Variants in ARHGAP29 observed in about 807,000 individuals in gnomAD.
ARHGAP29 encodes Rho GTPase activating protein 29, also known as rho GTPase-activating protein 29.
Under a neutral mutation model 122.6 loss-of-function variants are expected in ARHGAP29, and 43 were observed. The ratio of observed to expected loss-of-function variants is 0.35; its 90% CI spans 0.27 to 0.45. ARHGAP29 has a LOEUF of 0.45. Among genes scored for constraint, ARHGAP29 ranks in the 20% least tolerant of loss-of-function variants. The pLI is 1.00. For missense variants in ARHGAP29, 1,303 were observed against 1,477.2 expected, an observed-to-expected ratio of 0.88 and a Z score of 1.93; for synonymous variants, 506 against 497.1, an observed-to-expected ratio of 1.02 and a Z score of -0.24.
At chr1:94,190,200 T>A in intron 12 of ARHGAP29, 117 bp from the exon 13 acceptor site, 1 of 1,031,080 alleles carries the variant, frequency 9.7e-7, no homozygotes, top group Non-Finnish European at 1.4e-6. Flanking sequence ...CATACAACAC[T>A]GAATATCACT....
At chr1:94,178,216 C>T (rs952024577) in intron 20 of ARHGAP29, 49 bp from the exon 21 acceptor site, 1 of 1,539,478 alleles carries the variant, frequency 6.5e-7, no homozygotes, top group Non-Finnish European at 8.8e-7. Flanking sequence ...TATTAGAGTT[C>T]CTTGACTGTA....
intron 2 of ARHGAP29, among the ~76,000 whole-genome samples, chr1:94,225,468 T>G (rs1475781969): frequency 6.6e-6 from 1 of 152,072 alleles, no homozygotes; most frequent in Non-Finnish European, 1.5e-5. Context: ...CTGTAAGCCA[T>G]TCAAACTACC....
intron 19 of ARHGAP29, among the ~76,000 whole-genome samples, chr1:94,183,870 G>C (rs1649629398): frequency 6.6e-6 from 1 of 152,196 alleles, no homozygotes; most frequent in African/African-American, 2.4e-5. Context: ...CCTTGGTGGA[G>C]TTAGGGGGAT....
intron 13 of ARHGAP29, 129 bp from the exon 14 acceptor site, chr1:94,189,481 AC>A: frequency 9.0e-7 from 1 of 1,110,808 alleles, no homozygotes; most frequent in South Asian, 1.9e-5. Flanking sequence ...AATATTAAAA[AC>A]AAACCACACT....
chr1:94,288,219 GT>G, the ARHGAP29 span, among the ~76,000 whole-genome samples: 1 of 152,146 alleles, frequency 6.6e-6, no homozygotes, highest in Admixed American at 6.5e-5. Flanking sequence ...TCTCATTGTG[GT>G]TTTGATTTGC....
chr1:94,267,088 A>G (rs1402149450), intron 1 of ARHGAP29, among the ~76,000 whole-genome samples: 1 of 152,124 alleles, frequency 6.6e-6, no homozygotes, highest in African/African-American at 2.4e-5. Context: ...ACTATATCTC[A>G]AGTTGAAATT....
rs1460521818 is a variant in ARHGAP29 at position 94,210,906 on chromosome 1, A to T, written c.341-1556T>A. ...AGAGCAAAACTCTGTTTCTTATTTA[A>T]AAAAAAAAAAAAAAGATTTCTATAC... is the stretch of plus-strand genomic sequence containing the variant. On this transcript the variant is annotated intron_variant, in intron 3 of 22. Transcript: ENST00000260526. Among the ~76,000 whole-genome samples the T allele has an allele frequency of 0.034, 60 of 1,770 alleles. No homozygotes were observed. The South Asian group carries it at 0.44, about 13-fold the overall frequency. 1.2% of individuals were successfully genotyped at this position (1,770 alleles called of 152,430 possible).
At chr1:94,195,157 C>T (rs537251678) in intron 12 of ARHGAP29, 2 of 152,006 alleles carry the variant, frequency 1.3e-5, no homozygotes, top group South Asian at 2.1e-4. Flanking sequence ...GTCATTAGAA[C>T]GAGAAGGGAA....
rs772194084 is a variant in ARHGAP29, at chr1:94,202,745, G to C, written c.955-13C>G. Reference sequence around the variant, plus strand: ...TCTCTGCTTCAAGCTACACCGAAAAGAGTATTAAACACAGAATATGAAAGA... The same window carrying C: ...TCTCTGCTTCAAGCTACACCGAAAACAGTATTAAACACAGAATATGAAAGA... On this transcript the variant is annotated splice_polypyrimidine_tract_variant and intron_variant, in intron 10 of 22. Transcript: ENST00000260526. 1 of 1,610,648 alleles carries C rather than the reference G, an allele frequency of 6.2e-7. No homozygotes were observed. The highest frequency in any genetic ancestry group is 1.1e-5 in the South Asian group (1 of 90,234).
At chr1:94,251,556 T>C (rs747926041) in intron 1 of ARHGAP29, among the ~76,000 whole-genome samples, 35 of 152,212 alleles carry the variant, frequency 2.3e-4, no homozygotes, top group African/African-American at 8.4e-4. Context: ...ATACTTCTCT[T>C]AGAAAAAGAT....
In ARHGAP29 at chr1:94,231,628, C is replaced by G. The variant is rs1213525381; in HGVS notation, c.-17G>C. On this transcript the variant is annotated 5_prime_UTR_variant, in exon 2 of 23. It removes the in-frame stop codon of an upstream open reading frame in the 5' UTR. Transcript: ENST00000260526. The stretch of plus-strand genomic sequence containing the variant: ...AGCAATCATCCTTTCATGTAACAGT[C>G]AGAAAAACTGAAATCCTTAAGGGGG... 1 of 1,607,412 alleles carries G rather than the reference C, an allele frequency of 6.2e-7. No homozygotes were observed. The highest frequency in any genetic ancestry group is 1.1e-5 in the South Asian group (1 of 89,444).
chr1:94,233,714 T>C (rs939575387), intron 1 of ARHGAP29, among the ~76,000 whole-genome samples: 2 of 152,182 alleles, frequency 1.3e-5, no homozygotes, highest in Non-Finnish European at 2.9e-5. Context: ...TTGTTTACGA[T>C]GACTCTCACC....
intron 20 of ARHGAP29, 138 bp from the exon 21 acceptor site, chr1:94,178,305 A>G (rs1649236928): frequency 1.3e-6 from 1 of 757,002 alleles, no homozygotes; most frequent in Non-Finnish European, 2.1e-6. Context: ...GGAAAAGGTT[A>G]TATTTATTTG....
At chr1:94,307,404 C>T in the ARHGAP29 span, among the ~76,000 whole-genome samples, 3 of 152,066 alleles carry the variant, frequency 2.0e-5, no homozygotes, top group East Asian at 5.8e-4. Flanking sequence ...AAAATGTGGG[C>T]AAATCATGAC....
In ARHGAP29 at chr1:94,205,031, C is replaced by T. The variant is rs755563699; in HGVS notation, c.697+30G>A. On this transcript the variant is annotated intron_variant, in intron 7 of 22. Coordinates refer to ENST00000260526, the MANE Select transcript of ARHGAP29 (RefSeq NM_004815.4). ...TTAGAAACAACTTAATTATTATACT[C>T]TAAATCAGATGCTTTAAAAGGCAAC... 5.2e-6 allele frequency: 8 copies of T among 1,534,134 alleles called. No homozygotes were observed. The East Asian group carries it at 1.4e-4, about 27-fold the overall frequency.
chr1:94,220,144 C>T (rs906019268), intron 3 of ARHGAP29, 114 bp downstream of exon 3: 119 of 1,169,566 alleles, frequency 1.0e-4, no homozygotes, highest in Admixed American at 3.0e-4. Context: ...TCCTTATTAA[C>T]ATACATCACA....
chr1:94,278,745 A>G (rs998546792), upstream of ARHGAP29, among the ~76,000 whole-genome samples: 3 of 152,214 alleles, frequency 2.0e-5, no homozygotes, highest in African/African-American at 7.2e-5. Context: ...CTCAGGATAC[A>G]TTCACATTAA....
chr1:94,241,136 C>G (rs1442040290), upstream of ARHGAP29, among the ~76,000 whole-genome samples: 1 of 152,164 alleles, frequency 6.6e-6, no homozygotes, highest in Non-Finnish European at 1.5e-5. Context: ...GTGAAACACC[C>G]TGTTCTATAT....
chr1:94,177,351 AAAAC>A, intron 22 of ARHGAP29: 1 of 297,898 alleles, frequency 3.4e-6, no homozygotes, highest in Non-Finnish European at 6.2e-6. Context: ...CTCAAAAACA[AAAAC>A]AAAATTCAGA....
Sources: allele counts gnomAD v4.1 joint callset (sites outside exome capture counted in the v4.1 genomes callset), GRCh38; gene constraint gnomAD v4.1.1; transcripts MANE v1.5; gene names NCBI Gene and HGNC (gene_info 2026-07-23, HGNC 2026-07-21).